PPIH: variants seen among roughly 807,000 people sequenced by gnomAD.
PPIH encodes the protein peptidyl-prolyl cis-trans isomerase H.
A neutral mutation model predicts 27.6 loss-of-function variants in PPIH; 16 were observed. The ratio of observed to expected loss-of-function variants is 0.58; its 90% CI spans 0.39 to 0.88. PPIH has a LOEUF of 0.88. Ranked by LOEUF, PPIH falls within the 40% of genes least tolerant of loss-of-function variation. The pLI, the probability that PPIH is intolerant of heterozygous loss-of-function variation, is 0.00. For missense variants in PPIH, 155 were observed against 224.1 expected (o/e 0.69, Z 1.97); for synonymous variants, 63 against 76.1 (o/e 0.83, Z 0.90).
rs775812877 is a variant in PPIH at position 42,659,258 on chromosome 1, T to G, written c.155+7T>G. ...TCTGCACCGGAGAATTCAGGTCAGT[T>G]TCAGATGTGTTTGACTTCTTTGCCT... On this transcript the variant is annotated splice_region_variant and intron_variant, in intron 3 of 9. Coordinates refer to ENST00000304979, the MANE Select transcript of PPIH (RefSeq NM_006347.4). 6.2e-7 allele frequency: 1 copy of G among 1,614,102 alleles called. No homozygotes were observed. Among genetic ancestry groups the G allele is most frequent in the East Asian group, 2.2e-5 (1 of 44,900 alleles).
chr1:42,678,029 G>C (rs1649938999), downstream of PPIH, among the ~76,000 whole-genome samples: 1 of 152,218 alleles, frequency 6.6e-6, no homozygotes, highest in Non-Finnish European at 1.5e-5. Flanking sequence ...CAGTGTATCA[G>C]ATGACAAGAG....
At chr1:42,666,128 GAGTT>G in intron 7 of PPIH, 61 bp downstream of exon 7, 1 of 1,491,944 alleles carries the variant, frequency 6.7e-7, no homozygotes, top group Non-Finnish European at 9.3e-7. Flanking sequence ...ACCTCCAGAG[GAGTT>G]AGTTCTCAAA....
chr1:42,664,817 G>C, intron 5 of PPIH, 46 bp from the exon 6 acceptor site: 2 of 1,475,644 alleles, frequency 1.4e-6, no homozygotes, highest in South Asian at 2.4e-5. Flanking sequence ...CGGTTTCCAG[G>C]GACCCAACAC....
At chr1:42,670,610 A>C (rs1055480945) in intron 9 of PPIH, among the ~76,000 whole-genome samples, 2 of 151,694 alleles carry the variant, frequency 1.3e-5, no homozygotes, top group African/African-American at 4.8e-5. Context: ...AGCAGAACGC[A>C]TTCCTCAGGT....
rs1427815001 is a variant in PPIH, at chr1:42,659,149, TTTA to T, written c.132-76_132-74del. The T allele has an allele frequency of 4.4e-6, 7 of 1,592,982 alleles. No individual in the cohort carries two copies. The Admixed American group carries it at 1.2e-4, about 27-fold the overall frequency. ...ATTGGTGGACTTGCTGGCTCCAGTG[TTTA>T]TTCTTTCCCGTATTTAGAGGCGCTC... is the stretch of plus-strand genomic sequence containing the variant. On this transcript the variant is annotated intron_variant, in intron 2 of 9. Coordinates refer to ENST00000304979, the MANE Select transcript of PPIH (RefSeq NM_006347.4).
intron 1 of PPIH, 37 bp downstream of exon 1, chr1:42,658,549 G>C (rs3820545): frequency 8.7e-5 from 139 of 1,591,418 alleles, no homozygotes; most frequent in Non-Finnish European, 1.1e-4. Flanking sequence ...TGCGCCGAAG[G>C]GAAACTGCTC....
At chr1:42,674,637 T>C (rs1172203940) in intron 9 of PPIH, among the ~76,000 whole-genome samples, 1 of 152,212 alleles carries the variant, frequency 6.6e-6, no homozygotes, top group Non-Finnish European at 1.5e-5. Context: ...CAGAATACTG[T>C]AGATGAATTT....
chr1:42,670,607 C>T (rs968132212), intron 9 of PPIH, among the ~76,000 whole-genome samples: 52 of 151,778 alleles, frequency 3.4e-4, no homozygotes, highest in African/African-American at 1.2e-3. Flanking sequence ...CCAAGCAGAA[C>T]GCATTCCTCA....
chr1:42,674,034 G>A (rs1395877672), intron 9 of PPIH, among the ~76,000 whole-genome samples: 3 of 152,332 alleles, frequency 2.0e-5, no homozygotes, highest in Non-Finnish European at 4.4e-5. Context: ...ACAACTAAGC[G>A]CTGATGAATT....
downstream of PPIH, chr1:42,676,887 C>G (rs569165868): frequency 6.6e-6 from 1 of 152,198 alleles, no homozygotes; most frequent in African/African-American, 2.4e-5. Flanking sequence ...TGGACCAGAG[C>G]CAAGCTTTTG....
In PPIH at chr1:42,659,738, C is replaced by G. The variant is rs185400988; in HGVS notation, c.200+172C>G. Among the ~76,000 whole-genome samples, 838 of 152,314 alleles carry G rather than the reference C, an allele frequency of 5.5e-3. 2 individuals carry two copies. The highest frequency in any genetic ancestry group is 9.5e-3 in the Non-Finnish European group (644 of 68,020). On this transcript the variant is annotated intron_variant, in intron 4 of 9. Transcript: ENST00000304979. ...AATGTTCTAACTCTACTTACACTCC[C>G]CCACTTCTTAGGTCTTTAAAACAGA...
intron 2 of PPIH, 93 bp downstream of exon 2, chr1:42,659,001 G>A (rs965420796): frequency 7.0e-7 from 1 of 1,425,118 alleles, no homozygotes; most frequent in Non-Finnish European, 9.8e-7. Context: ...CTGTCCGTCC[G>A]CTCACTGCTC....
intron 9 of PPIH, among the ~76,000 whole-genome samples, chr1:42,670,672 G>C (rs1649580756): frequency 6.6e-6 from 1 of 152,188 alleles, no homozygotes; most frequent in African/African-American, 2.4e-5. Context: ...CATAGGCTGT[G>C]ATGATGGAAA....
chr1:42,678,361 G>C (rs994244371), downstream of PPIH, among the ~76,000 whole-genome samples: 16 of 152,162 alleles, frequency 1.1e-4, no homozygotes, highest in Non-Finnish European at 1.6e-4. Flanking sequence ...GGTGGTATTA[G>C]AATGTGAGCC....
At chr1:42,661,394 A>G (rs954190410) in intron 5 of PPIH, among the ~76,000 whole-genome samples, 5 of 152,200 alleles carry the variant, frequency 3.3e-5, no homozygotes, top group African/African-American at 9.7e-5. Context: ...TCAGAGCAAG[A>G]GAGGTAGATA....
downstream of PPIH, among the ~76,000 whole-genome samples, chr1:42,678,530 G>A (rs1434488134): frequency 6.6e-6 from 1 of 152,172 alleles, no homozygotes; most frequent in African/African-American, 2.4e-5. Context: ...CTCTCGAGTA[G>A]CTGGGACTAC....
chr1:42,660,674 C>T (rs1402674581), intron 4 of PPIH, among the ~76,000 whole-genome samples, 188 bp from the exon 5 acceptor site: 3 of 152,180 alleles, frequency 2.0e-5, no homozygotes, highest in African/African-American at 7.2e-5. Flanking sequence ...ATGTGATCTG[C>T]CTGCCTCGGC....
At chr1:42,675,512 G>A (rs1248795575) in intron 9 of PPIH, among the ~76,000 whole-genome samples, 1 of 152,226 alleles carries the variant, frequency 6.6e-6, no homozygotes, top group African/African-American at 2.4e-5. Context: ...CTAACATAGT[G>A]CCTGGTATGA....
intron 1 of PPIH, 51 bp downstream of exon 1, chr1:42,658,563 G>A (rs937696538): frequency 5.1e-6 from 8 of 1,569,704 alleles, no homozygotes; most frequent in Non-Finnish European, 7.0e-6. Context: ...ACTGCTCGGG[G>A]CTAGGCAGGC....
Sources: gnomAD v4.1 joint callset for allele counts (sites outside exome capture counted in the v4.1 genomes callset) on GRCh38, gnomAD v4.1.1 for gene constraint, MANE v1.5 for transcripts, NCBI Gene and HGNC (gene_info 2026-07-23, HGNC 2026-07-21) for gene names.